ITGAX: variants seen among roughly 807,000 people sequenced by gnomAD.
ITGAX encodes integrin alpha-X.
Under a neutral mutation model 140.2 loss-of-function variants are expected in ITGAX, and 99 were observed. The observed-to-expected ratio is 0.71, with a 90% CI of 0.60 to 0.83. ITGAX has a LOEUF of 0.83. Among genes scored for constraint, ITGAX ranks in the 40% least tolerant of loss-of-function variants. The pLI is 0.00. For synonymous variants in ITGAX, 631 were observed against 600.4 expected, an observed-to-expected ratio of 1.05 and a Z score of -0.75; for missense variants, 1,444 against 1,482.0, an observed-to-expected ratio of 0.97 and a Z score of 0.42.
intron 18 of ITGAX, 23 bp from the exon 19 acceptor site, chr16:31,372,573 AC>A (rs781202546): frequency 6.2e-7 from 1 of 1,612,804 alleles, no homozygotes; most frequent in Non-Finnish European, 8.5e-7. Context: ...CTCGGAGAAA[AC>A]CCCCCGTTGC....
In ITGAX at chr16:31,380,260, C is replaced by A. The variant is rs1447272595; in HGVS notation, c.3061-6C>A. 1 of 1,613,142 alleles carries A rather than the reference C, an allele frequency of 6.2e-7. No individual in the cohort carries two copies. Among genetic ancestry groups the A allele is most frequent in the Non-Finnish European group, 8.5e-7 (1 of 1,179,572 alleles). ...TCTCAGCCCCATGCTATTTATCTGC[C>A]CCCAGGACTGCTCCATTGCTGGCTG... is the stretch of plus-strand genomic sequence containing the variant. On this transcript the variant is annotated splice_region_variant and splice_polypyrimidine_tract_variant and intron_variant, in intron 26 of 29. Coordinates refer to ENST00000268296, the MANE Select transcript of ITGAX (RefSeq NM_000887.5).
At position 31,382,479 on chromosome 16, in the gene ITGAX, C is replaced by T; in HGVS notation, c.*572C>T. ...CCTGTCTTCAACAGCTCCCCATTACCCTCAGGACAATGTCTGAACTCTCCA... is the reference window on the plus strand; with the variant it reads ...CCTGTCTTCAACAGCTCCCCATTACTCTCAGGACAATGTCTGAACTCTCCA... On this transcript the variant is annotated 3_prime_UTR_variant, in exon 30 of 30. Transcript: ENST00000268296. The T allele has an allele frequency of 6.6e-7, 1 of 1,523,648 alleles. No individual in the cohort carries two copies. Among genetic ancestry groups the T allele is most frequent in the African/African-American group, 1.4e-5 (1 of 72,898 alleles). 94.4% of individuals were successfully genotyped at this position (1,523,648 alleles called of 1,614,324 possible).
chr16:31,357,111 C>T lies in ITGAX; in HGVS notation c.318+10C>T. Reference sequence around the variant, plus strand: ...CCCTTCCCAGCTGCTGGTGAGTGGCCCTGGGTCACAGGAGGCTTCTGAGGG... The same window carrying T: ...CCCTTCCCAGCTGCTGGTGAGTGGCTCTGGGTCACAGGAGGCTTCTGAGGG... On this transcript the variant is annotated intron_variant, in intron 4 of 29. Coordinates refer to ENST00000268296, the MANE Select transcript of ITGAX (RefSeq NM_000887.5). 6.2e-7 allele frequency: 1 copy of T among 1,604,758 alleles called. No individual in the cohort carries two copies.
intron 2 of ITGAX, 76 bp from the exon 3 acceptor site, chr16:31,356,549 A>C: frequency 2.1e-6 from 2 of 933,064 alleles, no homozygotes; most frequent in South Asian, 2.8e-5. Flanking sequence ...TCAGGGAGGG[A>C]ACGCAAACTT....
At chr16:31,356,287 T>G (rs191065601) in intron 2 of ITGAX, 9 of 433,642 alleles carry the variant, frequency 2.1e-5, no homozygotes, top group Admixed American at 1.2e-4. Context: ...TTTTCTTTCT[T>G]TTTTTCTATA....
At chr16:31,359,887 GGCCTCA>G in intron 6 of ITGAX, 27 bp from the exon 7 acceptor site, 1 of 1,614,016 alleles carries the variant, frequency 6.2e-7, no homozygotes. Flanking sequence ...CTGGTGAAAT[GGCCTCA>G]GCCCCAGCCC....
Position 31,360,074 on chromosome 16 carries a change from T to C in ITGAX, c.707+9T>C. ...GCCATCCAAAATGTCGTGTGAGTCC[T>C]GATTTCTTCCAGGCACAGTCCCAAA... is the stretch of plus-strand genomic sequence containing the variant. On this transcript the variant is annotated intron_variant, in intron 7 of 29. Transcript: ENST00000268296. 2 of 1,608,374 alleles carry C rather than the reference T, an allele frequency of 1.2e-6. No homozygotes were observed. Among genetic ancestry groups the C allele is most frequent in the Non-Finnish European group, 1.7e-6 (2 of 1,179,948 alleles).
rs1391799988 is a variant in ITGAX, at chr16:31,376,860, G to A, written c.2570G>A (p.Gly857Asp). 2 of 1,614,094 alleles carry A rather than the reference G, an allele frequency of 1.2e-6. No individual in the cohort carries two copies. Among genetic ancestry groups the A allele is most frequent in the African/African-American group, 2.7e-5 (2 of 74,938 alleles). Residue 857 changes from glycine (G) to aspartate (D), a missense_variant, in exon 21 of 30, where the codon GGC (glycine) becomes GAC (aspartate). Transcript: ENST00000268296. ...TCDSAPVGSQ[G>D]TWSTSCRINH... The stretch of plus-strand genomic sequence containing the variant: ...GACAGCGCCCCAGTTGGGAGCCAGG[G>A]CACCTGGAGCACCAGCTGCAGAATC...
rs751078302 is a variant in ITGAX at position 31,373,227 on chromosome 16, C to T, written c.2367-22C>T. On this transcript the variant is annotated intron_variant, in intron 19 of 29. Coordinates refer to ENST00000268296, the MANE Select transcript of ITGAX (RefSeq NM_000887.5). ...GCCTCAGTCACAGAATCATCTTCTC[C>T]TTTCCTTCACCTGATACCCAGCTTG... 7 of 1,599,696 alleles carry T rather than the reference C, an allele frequency of 4.4e-6. No individual in the cohort carries two copies. The South Asian group carries it at 4.5e-5, about 10-fold the overall frequency.
Position 31,372,442 on chromosome 16 carries a change from C to T in ITGAX, c.2225C>T (p.Pro742Leu), listed in dbSNP as rs1567304830. 2 of 1,608,884 alleles carry T rather than the reference C, an allele frequency of 1.2e-6. No homozygotes were observed. The highest frequency in any genetic ancestry group is 2.7e-5 in the African/African-American group (2 of 74,384). The change falls in exon 18 of 30, where the codon CCC becomes CTC. Residue 742 changes from proline (P) to leucine (L), a missense_variant. By Grantham distance (98) the Pro-to-Leu change is moderately conservative. Coordinates refer to ENST00000268296, the MANE Select transcript of ITGAX (RefSeq NM_000887.5). ...LRLNFTLVGK[P>L]LLAFRNLRPM... ...CTGAACTTCACGCTGGTGGGCAAGCCCCTCCTTGCCTTCAGAAACCTGCGG... is the reference window on the plus strand; with the variant it reads ...CTGAACTTCACGCTGGTGGGCAAGCTCCTCCTTGCCTTCAGAAACCTGCGG...
At chr16:31,355,791 A>G in intron 1 of ITGAX, 102 bp from the exon 2 acceptor site, 1 of 855,356 alleles carries the variant, frequency 1.2e-6, no homozygotes, top group Non-Finnish European at 1.9e-6. Context: ...CACCCCGGGC[A>G]TCAGGCTCGG....
At chr16:31,360,784 G>A in intron 8 of ITGAX, 1 of 511,016 alleles carries the variant, frequency 2.0e-6, no homozygotes, top group South Asian at 2.4e-5. Flanking sequence ...CCAAAGCACA[G>A]GGATTACAGG....
At chr16:31,372,693 T>C in intron 19 of ITGAX, 23 bp downstream of exon 19, 1 of 1,602,444 alleles carries the variant, frequency 6.2e-7, no homozygotes, top group Non-Finnish European at 8.5e-7. Context: ...ACCTTAGACC[T>C]GCCCTACTGC....
rs765497772 is a variant in ITGAX at position 31,357,386 on chromosome 16, G to C, written c.430+22G>C. On this transcript the variant is annotated intron_variant, in intron 5 of 29. Transcript: ENST00000268296. ...CAGGGTGAGTGTCGGGACCACCAAG[G>C]CTTTGAGGAGCTCACGCACATCCAA... is the stretch of plus-strand genomic sequence containing the variant. The C allele has an allele frequency of 6.0e-6, 9 of 1,487,914 alleles. No homozygotes were observed. In the African/African-American group the frequency reaches 8.3e-5, roughly 14 times the overall value. The allele number at this position is 1,487,914 out of a possible 1,614,324, so 92.2% of individuals were successfully genotyped here.
At chr16:31,376,702 T>C in intron 20 of ITGAX, 97 bp from the exon 21 acceptor site, 1 of 1,107,500 alleles carries the variant, frequency 9.0e-7, no homozygotes. Context: ...TGGCGTGTCT[T>C]TGGAATGCTG....
intron 20 of ITGAX, among the ~76,000 whole-genome samples, chr16:31,374,327 A>G (rs1290947108): frequency 2.0e-5 from 3 of 152,316 alleles, no homozygotes; most frequent in East Asian, 3.9e-4. Context: ...AAACATTTAC[A>G]AAAGTAGAAA....
At chr16:31,369,384 C>T (rs1462570118) in intron 14 of ITGAX, among the ~76,000 whole-genome samples, 1 of 152,246 alleles carries the variant, frequency 6.6e-6, no homozygotes, top group Non-Finnish European at 1.5e-5. Flanking sequence ...GCGCCCCTCA[C>T]CTCCCGGACG....
chr16:31,381,712 T>A, intron 29 of ITGAX, 91 bp from the exon 30 acceptor site: 1 of 791,130 alleles, frequency 1.3e-6, no homozygotes, highest in Non-Finnish European at 2.2e-6. Flanking sequence ...AGCAAGGATT[T>A]CAGAAATAGT....
At chr16:31,362,495 C>T (rs2080841242) in intron 11 of ITGAX, 116 bp from the exon 12 acceptor site, 1 of 1,304,960 alleles carries the variant, frequency 7.7e-7, no homozygotes, top group South Asian at 1.5e-5. Context: ...CTGCATTGCC[C>T]AGGGTGGGGT....
Sources: allele counts gnomAD v4.1 joint callset (sites outside exome capture counted in the v4.1 genomes callset), GRCh38; gene constraint gnomAD v4.1.1; transcripts MANE v1.5; gene names NCBI Gene and HGNC (gene_info 2026-07-23, HGNC 2026-07-21).